RAP1GDS1: variants seen among roughly 807,000 people sequenced by gnomAD.
The protein encoded by RAP1GDS1 is Rap1 GTPase-GDP dissociation stimulator 1.
In RAP1GDS1, 35 loss-of-function variants were observed where a neutral mutation model predicts 71.1. The observed-to-expected ratio is 0.49, with a 90% CI of 0.38 to 0.65. The LOEUF (loss-of-function observed/expected upper bound fraction) is 0.65. RAP1GDS1 is among the 30% of genes least tolerant of loss of function. The pLI, the probability that RAP1GDS1 is intolerant of heterozygous loss-of-function variation, is 0.00. For synonymous variants in RAP1GDS1, 229 were observed against 243.1 expected (o/e 0.94, Z 0.54); for missense variants, 663 against 706.1 (o/e 0.94, Z 0.69).
chr4:98,283,446 A>G (rs1725480040), intron 1 of RAP1GDS1, among the ~76,000 whole-genome samples: 1 of 152,182 alleles, frequency 6.6e-6, no homozygotes, highest in Admixed American at 6.6e-5. Context: ...CAAGACTACC[A>G]TATTAGGCAT....
At chr4:98,286,324 C>T (rs1032626230) in intron 1 of RAP1GDS1, among the ~76,000 whole-genome samples, 2 of 151,366 alleles carry the variant, frequency 1.3e-5, no homozygotes, top group South Asian at 2.1e-4. Flanking sequence ...GTAGGCCTGT[C>T]GCATCCAGAC....
chr4:98,413,377 C>T (rs1320397354), intron 7 of RAP1GDS1, among the ~76,000 whole-genome samples: 1 of 151,932 alleles, frequency 6.6e-6, no homozygotes, highest in South Asian at 2.1e-4. Flanking sequence ...CCGCTCCCCC[C>T]ACCCCACCAC....
At chr4:98,264,315 G>A (rs1255682793) in intron 1 of RAP1GDS1, among the ~76,000 whole-genome samples, 1 of 152,094 alleles carries the variant, frequency 6.6e-6, no homozygotes, top group East Asian at 1.9e-4. Flanking sequence ...AGAATCACTT[G>A]AACCCGGGAG....
Position 98,423,372 on chromosome 4 carries a change from A to G in RAP1GDS1, c.1440+1978A>G, listed in dbSNP as rs980580991. On this transcript the variant is annotated intron_variant, in intron 12 of 14. Coordinates refer to ENST00000408927, the MANE Select transcript of RAP1GDS1 (RefSeq NM_001100427.2). ...GCAGTATTGCTAGAACACAGAGTGT[A>G]GAAAGAGACAGTAGCCAGAGAGGTT... 2.2e-4 allele frequency among the ~76,000 whole-genome samples: 34 copies of G among 152,238 alleles called. 1 individual carries two copies. The highest frequency in any genetic ancestry group is 1.5e-5 in the Non-Finnish European group (1 of 68,040).
At chr4:98,420,366 GTTTA>G (rs1457617218) in intron 11 of RAP1GDS1, among the ~76,000 whole-genome samples, 15 of 143,492 alleles carry the variant, frequency 1.0e-4, no homozygotes, top group African/African-American at 3.4e-4. Flanking sequence ...TTATTTATTT[GTTTA>G]TTTATTTATT....
intron 11 of RAP1GDS1, among the ~76,000 whole-genome samples, chr4:98,420,707 G>A (rs985426851): frequency 1.3e-5 from 2 of 152,054 alleles, no homozygotes; most frequent in African/African-American, 2.4e-5. Context: ...CTCCTTATTA[G>A]TACTTATAGT....
chr4:98,410,217 T>C (rs181327364), intron 7 of RAP1GDS1, among the ~76,000 whole-genome samples: 2 of 152,306 alleles, frequency 1.3e-5, no homozygotes, highest in Admixed American at 6.5e-5. Context: ...AGAGGGCTTG[T>C]GTATACAGTG....
intron 12 of RAP1GDS1, among the ~76,000 whole-genome samples, chr4:98,425,333 AGTG>A (rs1470826690): frequency 6.6e-6 from 1 of 152,180 alleles, no homozygotes; most frequent in Non-Finnish European, 1.5e-5. Context: ...TTAAAAAAAA[AGTG>A]GGGGGTATAC....
At chr4:98,312,680 T>C (rs1730400947) in intron 2 of RAP1GDS1, among the ~76,000 whole-genome samples, 1 of 151,972 alleles carries the variant, frequency 6.6e-6, no homozygotes, top group Admixed American at 6.6e-5. Context: ...ATGGAATGTG[T>C]GTGTGCATGT....
chr4:98,328,682 T>C (rs995004158), intron 2 of RAP1GDS1, among the ~76,000 whole-genome samples: 6 of 152,208 alleles, frequency 3.9e-5, no homozygotes, highest in African/African-American at 1.2e-4. Context: ...GTCATCGTGA[T>C]TTATTTATTT....
chr4:98,323,995 A>T (rs957181431), intron 2 of RAP1GDS1, among the ~76,000 whole-genome samples: 1 of 149,758 alleles, frequency 6.7e-6, no homozygotes, highest in African/African-American at 2.5e-5. Context: ...CCCTGTTTGC[A>T]GACGACATGA....
chr4:98,315,087 T>A (rs1191363106), intron 2 of RAP1GDS1, among the ~76,000 whole-genome samples: 2 of 152,190 alleles, frequency 1.3e-5, no homozygotes, highest in African/African-American at 4.8e-5. Flanking sequence ...ATTTTTCTTT[T>A]TGGCTTAGAA....
chr4:98,414,691 C>T (rs1278956591), intron 7 of RAP1GDS1, among the ~76,000 whole-genome samples: 3 of 151,084 alleles, frequency 2.0e-5, no homozygotes, highest in Non-Finnish European at 4.4e-5. Context: ...ATTGACTTGG[C>T]GATGCGGGCT....
Position 98,308,297 on chromosome 4 carries a change from C to CTATATACA in RAP1GDS1, c.112+14788_112+14789insCATATATA, listed in dbSNP as rs1729672062. Among the ~76,000 whole-genome samples the CTATATACA allele has an allele frequency of 5.5e-5, 4 of 73,202 alleles. No homozygotes were observed. The South Asian group carries it at 2.5e-3, about 45-fold the overall frequency. 48.0% of individuals were successfully genotyped at this position (73,202 alleles called of 152,430 possible). Reference sequence around the variant, plus strand: ...ACACACATATATATACACACACACACTATATATATATATATATATATATAT... The same window carrying CTATATACA: ...ACACACATATATATACACACACACACTATATACATATATATATATATATATATATATAT... On this transcript the variant is annotated intron_variant, in intron 2 of 14. Transcript: ENST00000408927.
chr4:98,374,585 GTATT>G (rs1190489111), intron 4 of RAP1GDS1, among the ~76,000 whole-genome samples: 14 of 152,164 alleles, frequency 9.2e-5, no homozygotes, highest in African/African-American at 2.9e-4. Flanking sequence ...CAGATTAACA[GTATT>G]TAATCTCTGG....
At chr4:98,314,414 T>A (rs969867882) in intron 2 of RAP1GDS1, among the ~76,000 whole-genome samples, 1 of 152,216 alleles carries the variant, frequency 6.6e-6, no homozygotes, top group Non-Finnish European at 1.5e-5. Flanking sequence ...TCTTAAAATA[T>A]AAGACAATCT....
intron 7 of RAP1GDS1, among the ~76,000 whole-genome samples, chr4:98,412,028 G>T (rs894328336): frequency 8.5e-5 from 13 of 152,090 alleles, no homozygotes; most frequent in African/African-American, 3.1e-4. Context: ...GAAGATCAGT[G>T]ATCCTAGTGA....
intron 2 of RAP1GDS1, chr4:98,297,115 CTG>C (rs1459685753): frequency 6.2e-6 from 1 of 160,426 alleles, no homozygotes; most frequent in East Asian, 1.9e-4. Context: ...TAGAACAACT[CTG>C]TGAGATACTG....
intron 5 of RAP1GDS1, among the ~76,000 whole-genome samples, chr4:98,384,602 T>C (rs1188969883): frequency 6.6e-6 from 1 of 151,650 alleles, no homozygotes. Flanking sequence ...AGACTATTTC[T>C]ATGATAATGC....
Sources: allele counts gnomAD v4.1 joint callset (sites outside exome capture counted in the v4.1 genomes callset), GRCh38; gene constraint gnomAD v4.1.1; transcripts MANE v1.5; gene names NCBI Gene and HGNC (gene_info 2026-07-23, HGNC 2026-07-21).